The following FBXL20 variants were observed in gnomAD, a reference collection of about 807,000 sequenced individuals.
FBXL20 encodes F-box and leucine rich repeat protein 20.
Under a neutral mutation model 64.0 loss-of-function variants are expected in FBXL20, and 11 were observed. The ratio of observed to expected loss-of-function variants is 0.17; its 90% CI spans 0.11 to 0.28. FBXL20 has a LOEUF of 0.28. FBXL20 is among the 10% of genes least tolerant of loss of function. FBXL20 has a pLI of 1.00. For synonymous variants in FBXL20, 184 were observed against 189.0 expected (o/e 0.97, Z 0.22); for missense variants, 303 against 526.2 (o/e 0.58, Z 4.15).
At chr17:39,270,085 CAGG>C (rs2046830066) in intron 11 of FBXL20, among the ~76,000 whole-genome samples, 1 of 152,216 alleles carries the variant, frequency 6.6e-6, no homozygotes, top group South Asian at 2.1e-4. Flanking sequence ...TTAAAATACT[CAGG>C]AGAATACAGA....
intron 2 of FBXL20, among the ~76,000 whole-genome samples, chr17:39,339,233 A>T (rs996644477): frequency 4.6e-5 from 7 of 151,660 alleles, no homozygotes; most frequent in Non-Finnish European, 7.4e-5. Context: ...CCATCTGTAT[A>T]AAAAAAATAA....
chr17:39,371,586 G>A (rs1234670329), intron 1 of FBXL20, among the ~76,000 whole-genome samples: 1 of 151,936 alleles, frequency 6.6e-6, no homozygotes, highest in African/African-American at 2.4e-5. Context: ...TGGGATTGGG[G>A]TCCTAGGTCC....
chr17:39,316,461 G>C (rs2047293375), intron 2 of FBXL20, among the ~76,000 whole-genome samples: 1 of 152,126 alleles, frequency 6.6e-6, no homozygotes, highest in African/African-American at 2.4e-5. Context: ...AAATAGGGCA[G>C]AGAAAATGTA....
intron 1 of FBXL20, among the ~76,000 whole-genome samples, chr17:39,385,649 T>C (rs1254826220): frequency 6.6e-6 from 1 of 152,168 alleles, no homozygotes; most frequent in African/African-American, 2.4e-5. Context: ...ACTAAAATAA[T>C]GGTAACAATT....
intron 2 of FBXL20, among the ~76,000 whole-genome samples, chr17:39,331,041 G>A (rs2047455528): frequency 6.6e-6 from 1 of 152,168 alleles, no homozygotes; most frequent in African/African-American, 2.4e-5. Flanking sequence ...CCCACAAAAA[G>A]GACTCAACAC....
At chr17:39,402,354 G>A (rs1296333449), upstream of FBXL20, 11 of 552,786 alleles carry the variant, frequency 2.0e-5, no homozygotes, top group Non-Finnish European at 3.0e-5. Context: ...AGGGAGGCCT[G>A]GGGGGCCGGG....
At chr17:39,401,338 G>A (rs2144697394) in intron 1 of FBXL20, 23 bp downstream of exon 1, 1 of 1,612,086 alleles carries the variant, frequency 6.2e-7, no homozygotes, top group Non-Finnish European at 8.5e-7. Context: ...TCCTCACGCC[G>A]CCCGAGCCCC....
At chr17:39,290,493 T>G (rs1438110788) in intron 6 of FBXL20, among the ~76,000 whole-genome samples, 2 of 152,180 alleles carry the variant, frequency 1.3e-5, no homozygotes, top group Admixed American at 1.3e-4. Flanking sequence ...TCTTTCACCA[T>G]CAAATATGAT....
At chr17:39,278,139 A>C (rs868598183) in intron 9 of FBXL20, among the ~76,000 whole-genome samples, 3 of 152,136 alleles carry the variant, frequency 2.0e-5, no homozygotes, top group Admixed American at 6.6e-5. Flanking sequence ...TATACATACA[A>C]ACACACACAC....
At chr17:39,388,449 G>C (rs992032298) in intron 1 of FBXL20, among the ~76,000 whole-genome samples, 1 of 148,250 alleles carries the variant, frequency 6.7e-6, no homozygotes, top group South Asian at 2.2e-4. Flanking sequence ...AACAGAACAA[G>C]AACCTGTCTC....
chr17:39,378,912 T>C (rs910374245), intron 1 of FBXL20, among the ~76,000 whole-genome samples: 6 of 146,258 alleles, frequency 4.1e-5, no homozygotes, highest in African/African-American at 1.2e-4. Context: ...CGCCCGGCCA[T>C]AGGATGGCTA....
intron 2 of FBXL20, among the ~76,000 whole-genome samples, chr17:39,327,812 T>C (rs1176668326): frequency 6.6e-6 from 1 of 152,132 alleles, no homozygotes; most frequent in African/African-American, 2.4e-5. Context: ...GCCATTCTCC[T>C]GCCTCAGCCT....
chr17:39,401,654 A>C, upstream of FBXL20: 2 of 1,314,228 alleles, frequency 1.5e-6, no homozygotes, highest in Non-Finnish European at 9.7e-7. Flanking sequence ...CCAAAACAAA[A>C]ACACTCCCCA....
intron 2 of FBXL20, among the ~76,000 whole-genome samples, chr17:39,338,345 C>T (rs1295355260): frequency 6.6e-6 from 1 of 152,138 alleles, no homozygotes; most frequent in Non-Finnish European, 1.5e-5. Flanking sequence ...GCAGCATGCT[C>T]ATTAAGAGTC....
At chr17:39,365,996 A>G (rs954767771) in intron 1 of FBXL20, among the ~76,000 whole-genome samples, 1 of 151,822 alleles carries the variant, frequency 6.6e-6, no homozygotes, top group Non-Finnish European at 1.5e-5. Context: ...AATTTAAAAA[A>G]ATTTTTTTTT....
In FBXL20 at chr17:39,258,653, A is replaced by C. The variant is rs2144323663; in HGVS notation, c.*2807T>G. The C allele has an allele frequency of 6.6e-6, 1 of 152,348 alleles. No individual in the cohort carries two copies. Among genetic ancestry groups the C allele is most frequent in the East Asian group, 1.9e-4 (1 of 5,190 alleles). 9.4% of individuals were successfully genotyped at this position (152,348 alleles called of 1,614,324 possible). A position where few individuals can be genotyped will look rare whatever the true frequency, so the allele number is the denominator to read the frequency against. Reference sequence around the variant, plus strand: ...ATAGAGTCTTTTAAACTTATCTTTTAAGTAAAGAAGTACCTTAATAGCCTC... The same window carrying C: ...ATAGAGTCTTTTAAACTTATCTTTTCAGTAAAGAAGTACCTTAATAGCCTC... On this transcript the variant is annotated 3_prime_UTR_variant, in exon 15 of 15. Coordinates refer to ENST00000264658, the MANE Select transcript of FBXL20 (RefSeq NM_032875.3).
chr17:39,272,384 CAAA>C lies in FBXL20; in HGVS notation c.828-1531_828-1529del, dbSNP rs61446377. ...CTGGCAACAGAGCGAGACTTTGTCT[CAAA>C]AAAAAAAAAAAAAAATTTTTTTTTT... On this transcript the variant is annotated intron_variant, in intron 10 of 14. Transcript: ENST00000264658. 2.6e-3 allele frequency among the ~76,000 whole-genome samples: 338 copies of C among 130,904 alleles called. 1 individual carries two copies. Among genetic ancestry groups the C allele is most frequent in the Non-Finnish European group, 3.2e-3 (200 of 63,416 alleles). The allele number at this position is 130,904 out of a possible 152,430, so 85.9% of individuals were successfully genotyped here.
intron 1 of FBXL20, among the ~76,000 whole-genome samples, chr17:39,383,592 T>C (rs947850943): frequency 1.5e-5 from 1 of 67,524 alleles, no homozygotes; most frequent in Non-Finnish European, 2.8e-5. Context: ...TTTATATGCT[T>C]TTTTTTTTTT....
chr17:39,350,535 A>C lies in FBXL20; in HGVS notation c.43-7294T>G, dbSNP rs976020384. Among the ~76,000 whole-genome samples the C allele has an allele frequency of 2.5e-3, 382 of 151,104 alleles. 1 individual carries two copies. The highest frequency in any genetic ancestry group is 9.2e-3 in the African/African-American group (375 of 40,834). ...AAAAGAAGCAAAAAAAAAAAAAAAAACATAGCTAATTTCCTCCCTTGCTTT... is the reference window on the plus strand; with the variant it reads ...AAAAGAAGCAAAAAAAAAAAAAAAACCATAGCTAATTTCCTCCCTTGCTTT... On this transcript the variant is annotated intron_variant, in intron 1 of 14. Coordinates refer to ENST00000264658, the MANE Select transcript of FBXL20 (RefSeq NM_032875.3).
Sources: gnomAD v4.1 joint callset for allele counts (sites outside exome capture counted in the v4.1 genomes callset) on GRCh38, gnomAD v4.1.1 for gene constraint, MANE v1.5 for transcripts, NCBI Gene and HGNC (gene_info 2026-07-23, HGNC 2026-07-21) for gene names.